PLB1: variants seen among roughly 807,000 people sequenced by gnomAD.
PLB1 encodes the protein phospholipase B1, also known as phospholipase B1, membrane-associated.
Under a neutral mutation model 227.4 loss-of-function variants are expected in PLB1, and 242 were observed. The observed-to-expected ratio is 1.06, with a 90% CI of 0.96 to 1.18. The LOEUF is 1.18. Ranked by LOEUF, PLB1 falls within the 50% of genes most tolerant of loss-of-function variation. PLB1 has a pLI of 0.00. For missense variants in PLB1, 1,858 were observed against 1,816.3 expected, an observed-to-expected ratio of 1.02 and a Z score of -0.42; for synonymous variants, 757 against 682.2, an observed-to-expected ratio of 1.11 and a Z score of -1.71.
At chr2:28,628,840 T>C (rs111869638) in intron 52 of PLB1, among the ~76,000 whole-genome samples, 108 of 152,322 alleles carry the variant, frequency 7.1e-4, no homozygotes, top group African/African-American at 2.6e-3. Flanking sequence ...AGCTTGCCTC[T>C]GAACCAATTG....
chr2:28,511,590 G>A (rs1056901824), intron 1 of PLB1, among the ~76,000 whole-genome samples: 1 of 151,966 alleles, frequency 6.6e-6, no homozygotes, highest in Admixed American at 6.6e-5. Context: ...TCCTGTACTC[G>A]AAGAGTTTTA....
chr2:28,496,728 C>T (rs189707963), intron 1 of PLB1, among the ~76,000 whole-genome samples: 2 of 152,306 alleles, frequency 1.3e-5, no homozygotes, highest in Non-Finnish European at 2.9e-5. Context: ...CCATTCCCCC[C>T]AACATTAATG....
At chr2:28,567,688 G>A (rs192970609) in intron 20 of PLB1, among the ~76,000 whole-genome samples, 1 of 152,046 alleles carries the variant, frequency 6.6e-6, no homozygotes, top group Non-Finnish European at 1.5e-5. Flanking sequence ...TGGCCAGGAT[G>A]GTCTCGATTT....
At chr2:28,576,533 C>A (rs905414646) in intron 21 of PLB1, among the ~76,000 whole-genome samples, 4 of 152,188 alleles carry the variant, frequency 2.6e-5, no homozygotes, top group African/African-American at 7.2e-5. Context: ...AGTTCGAGAT[C>A]AGTCTGGCCA....
intron 31 of PLB1, 46 bp from the exon 32 acceptor site, chr2:28,592,615 G>C: frequency 6.3e-7 from 1 of 1,577,874 alleles, no homozygotes; most frequent in Non-Finnish European, 8.7e-7. Flanking sequence ...GAGTGTGACT[G>C]TGGCTTCCCT....
At chr2:28,509,615 C>A (rs1668001701) in intron 1 of PLB1, among the ~76,000 whole-genome samples, 2 of 152,198 alleles carry the variant, frequency 1.3e-5, no homozygotes, top group African/African-American at 4.8e-5. Context: ...TTTCTCAGAG[C>A]ATACACAAGT....
At chr2:28,566,236 G>A (rs1676872809) in intron 19 of PLB1, among the ~76,000 whole-genome samples, 1 of 143,830 alleles carries the variant, frequency 7.0e-6, no homozygotes, top group Non-Finnish European at 1.5e-5. Flanking sequence ...GACACCCTTG[G>A]CACAGAATGG....
rs750701807 is a variant in PLB1 at position 28,591,699 on chromosome 2, G to A, written c.2128-1G>A. ...TTCTGGGATTTGTTCTATGCCCTTA[G>A]GGTCATGGGACCTGGCTGCCATGCA... is the stretch of plus-strand genomic sequence containing the variant. On this transcript the variant is annotated splice_acceptor_variant, in intron 30 of 57. Transcript: ENST00000327757. LOFTEE classifies it high-confidence loss of function. 6.8e-6 allele frequency: 11 copies of A among 1,613,808 alleles called. No homozygotes were observed. In the East Asian group the frequency reaches 2.0e-4, roughly 29 times the overall value.
chr2:28,539,620 C>G (rs1282250789), intron 11 of PLB1, among the ~76,000 whole-genome samples: 1 of 152,084 alleles, frequency 6.6e-6, no homozygotes, highest in Non-Finnish European at 1.5e-5. Context: ...GAGCCAAATC[C>G]TAAGAATTCT....
At chr2:28,591,220 A>T in intron 30 of PLB1, 49 bp downstream of exon 30, 1 of 1,609,424 alleles carries the variant, frequency 6.2e-7, no homozygotes, top group Non-Finnish European at 8.5e-7. Context: ...GCAATGGGCA[A>T]CCCCTGGGCT....
In PLB1 at chr2:28,598,001, A is replaced by G. The variant is rs544863102; in HGVS notation, c.2322-4A>G. 4.3e-6 allele frequency: 7 copies of G among 1,612,166 alleles called. No individual in the cohort carries two copies. Among genetic ancestry groups the G allele is most frequent in the East Asian group, 2.2e-5 (1 of 44,862 alleles). On this transcript the variant is annotated splice_region_variant and splice_polypyrimidine_tract_variant and intron_variant, in intron 33 of 57. Transcript: ENST00000327757. ...TCATTCACTGGCTTGCTCACTCCCT[A>G]CAGTGCAGGAGGGGACGGCTCCCTG...
chr2:28,636,007 ATGTATGTATGAATG>A (rs1689268633), intron 56 of PLB1, among the ~76,000 whole-genome samples: 1 of 108,914 alleles, frequency 9.2e-6, no homozygotes, highest in African/African-American at 3.2e-5. Context: ...ATGTATGTGT[ATGTATGTATGAATG>A]TGTGTGTATG....
intron 1 of PLB1, among the ~76,000 whole-genome samples, chr2:28,501,580 G>A (rs1460870550): frequency 2.0e-5 from 3 of 152,086 alleles, no homozygotes; most frequent in African/African-American, 2.4e-5. Flanking sequence ...ATGAAAAGAT[G>A]TACTCAGAGA....
rs371058996 is a variant in PLB1, at chr2:28,605,869, C to T, written c.2978C>T (p.Thr993Met). 2.1e-5 allele frequency: 34 copies of T among 1,613,414 alleles called. No individual in the cohort carries two copies. Among genetic ancestry groups the T allele is most frequent in the Non-Finnish European group, 2.5e-5 (29 of 1,179,486 alleles). The change falls in exon 42 of 58, where the codon ACG becomes ATG. Residue 993 changes from threonine (T) to methionine (M), a missense_variant. Thr to Met is a moderately conservative substitution (Grantham distance 81). Transcript: ENST00000327757. ...LPVLADGLPD[T>M]SFFAPDCIHP... ...CTCTTTCAGGATGGGCTCCCAGATA[C>T]GTCCTTCTTTGCCCCAGACTGCATC...
chr2:28,579,610 GT>G lies in PLB1; in HGVS notation c.1486-14del, dbSNP rs754018510. On this transcript the variant is annotated splice_polypyrimidine_tract_variant and intron_variant, in intron 22 of 57. Coordinates refer to ENST00000327757, the MANE Select transcript of PLB1 (RefSeq NM_153021.5). ...TCTGGGACAAGGTGCTTACTTCTGT[GT>G]TTCTATTCATTTCAGAGGATACACT... is the stretch of plus-strand genomic sequence containing the variant. The G allele has an allele frequency of 9.4e-6, 15 of 1,599,188 alleles. No individual in the cohort carries two copies. The highest frequency in any genetic ancestry group is 2.7e-5 in the African/African-American group (2 of 74,564).
chr2:28,590,176 C>G (rs947131965), intron 29 of PLB1, 100 bp downstream of exon 29: 7 of 1,047,858 alleles, frequency 6.7e-6, no homozygotes, highest in Non-Finnish European at 1.0e-5. Flanking sequence ...GCCTGCCCAC[C>G]CACCCCATTT....
At position 28,625,067 on chromosome 2, in the gene PLB1, G is replaced by T; in HGVS notation, c.3538G>T (p.Ala1180Ser). 1.2e-6 allele frequency: 2 copies of T among 1,613,672 alleles called. No homozygotes were observed. The highest frequency in any genetic ancestry group is 2.2e-5 in the South Asian group (2 of 90,990). ...CTACCCCCCACCTAGGGACATGCCA[G>T]CCCAGGCCTGGGACCTGGTAGAGCG... ...AEGARARDMP[A>S]QAWDLVERMK... The change falls in exon 50 of 58, where the codon GCC becomes TCC. Residue 1180 changes from alanine (A) to serine (S), a missense_variant. Physicochemically the swap from Ala to Ser is moderately conservative, Grantham distance 99. Transcript: ENST00000327757.
chr2:28,637,403 C>T (rs1181173510), intron 56 of PLB1, among the ~76,000 whole-genome samples: 7 of 151,846 alleles, frequency 4.6e-5, no homozygotes, highest in South Asian at 2.1e-4. Context: ...GAGCTGGATT[C>T]GGTACTTTGT....
chr2:28,536,054 A>G (rs916735812), intron 9 of PLB1, among the ~76,000 whole-genome samples: 10 of 152,182 alleles, frequency 6.6e-5, no homozygotes, highest in Non-Finnish European at 1.2e-4. Flanking sequence ...GGGTTTCCTA[A>G]AAGTTCACAC....
Sources: allele counts gnomAD v4.1 joint callset (sites outside exome capture counted in the v4.1 genomes callset), GRCh38; gene constraint gnomAD v4.1.1; transcripts MANE v1.5; gene names NCBI Gene and HGNC (gene_info 2026-07-23, HGNC 2026-07-21).